Variants in CWC25 observed in about 807,000 individuals in gnomAD.
CWC25 encodes pre-mRNA-splicing factor CWC25 homolog.
CWC25 carries 31 observed loss-of-function variants against 54.6 expected under a neutral mutation model. The ratio of observed to expected loss-of-function variants is 0.57; its 90% CI spans 0.43 to 0.77. CWC25 has a LOEUF of 0.77. CWC25 is among the 30% of genes least tolerant of loss of function. The pLI is 0.00. For synonymous variants in CWC25, 151 were observed against 187.0 expected (o/e 0.81, Z 1.57); for missense variants, 453 against 529.3 (o/e 0.86, Z 1.41).
rs1332728141 is a variant in CWC25, at chr17:38,807,460, G to GA, written c.691-485dup. 1.4e-5 allele frequency among the ~76,000 whole-genome samples: 2 copies of GA among 140,630 alleles called. 1 individual carries two copies. Among genetic ancestry groups the GA allele is most frequent in the African/African-American group, 5.2e-5 (2 of 38,710 alleles). The allele number at this position is 140,630 out of a possible 152,430, so 92.3% of individuals were successfully genotyped here. A position where few individuals can be genotyped will look rare whatever the true frequency, so the allele number is the denominator to read the frequency against. ...TAGTTATCTGCAGAATCCCCTAAAA[G>GA]AATCTCCTTCGGTCAGCCAGGTGCA... is the stretch of plus-strand genomic sequence containing the variant. On this transcript the variant is annotated intron_variant, in intron 6 of 9. Coordinates refer to ENST00000614790, the MANE Select transcript of CWC25 (RefSeq NM_017748.5).
At position 38,814,927 on chromosome 17, in the gene CWC25, G is replaced by A; in HGVS notation, c.362C>T (p.Pro121Leu). 6.2e-7 allele frequency: 1 copy of A among 1,613,662 alleles called. No individual in the cohort carries two copies. Among genetic ancestry groups the A allele is most frequent in the South Asian group, 1.1e-5 (1 of 91,070 alleles). Residue 121 changes from proline (P) to leucine (L), a missense_variant, in exon 3 of 10, where the codon CCA becomes CTA. Transcript: ENST00000614790. Reference protein sequence around the residue: ...TGLLPGSIFAPSGANSLLDMA... With the variant: ...TGLLPGSIFALSGANSLLDMA... The stretch of plus-strand genomic sequence containing the variant: ...GTCAAGAAGGGAATTGGCACCTGAT[G>A]GGGCAAAGATAGAGCCTGGGAGAAG...
intron 3 of CWC25, 61 bp from the exon 4 acceptor site, chr17:38,812,925 C>T (rs1911549634): frequency 8.5e-6 from 8 of 936,146 alleles, no homozygotes; most frequent in Non-Finnish European, 1.3e-5. Context: ...TATGGAGTAA[C>T]CTTTTCTCCA....
chr17:38,810,693 G>A (rs1911449433), intron 4 of CWC25, 98 bp from the exon 5 acceptor site: 1 of 712,754 alleles, frequency 1.4e-6, no homozygotes, highest in Non-Finnish European at 2.5e-6. Context: ...GCTGAGTGGA[G>A]CAGATCATCA....
At position 38,806,156 on chromosome 17, in the gene CWC25, C is replaced by G. The variant is rs758711278; in HGVS notation, c.1001+141G>C. On this transcript the variant is annotated intron_variant, in intron 8 of 9. Coordinates refer to ENST00000614790, the MANE Select transcript of CWC25 (RefSeq NM_017748.5). ...TCCTCACATGGCTGGAGGCAGGGGA[C>G]GCAGACCCTTACAGGTTGGCAAGAT... 1.4e-5 allele frequency: 10 copies of G among 727,916 alleles called. No homozygotes were observed. The South Asian group carries it at 1.6e-4, about 11-fold the overall frequency. 45.1% of individuals were successfully genotyped at this position (727,916 alleles called of 1,614,324 possible).
At chr17:38,815,617 T>A (rs1214703616) in intron 2 of CWC25, 8 of 1,151,012 alleles carry the variant, frequency 7.0e-6, no homozygotes, top group African/African-American at 6.3e-5. Context: ...GAGAGAATAT[T>A]CACTCACATA....
intron 3 of CWC25, among the ~76,000 whole-genome samples, chr17:38,813,836 ACC>A (rs1309653082): frequency 1.3e-5 from 2 of 151,410 alleles, no homozygotes; most frequent in Non-Finnish European, 2.9e-5. Flanking sequence ...GATCCACCGT[ACC>A]CGGCTGTCAG....
intron 9 of CWC25, 51 bp downstream of exon 9, chr17:38,802,649 C>G: frequency 1.3e-6 from 2 of 1,599,564 alleles, no homozygotes; most frequent in South Asian, 2.2e-5. Context: ...GCCAGCCTGC[C>G]TCTTAAGACC....
intron 2 of CWC25, among the ~76,000 whole-genome samples, chr17:38,817,306 C>G (rs1055378942): frequency 6.7e-6 from 1 of 150,034 alleles, no homozygotes; most frequent in Non-Finnish European, 1.5e-5. Context: ...TGCCATTGTA[C>G]TCCAACGCAG....
chr17:38,807,202 A>C (rs944382199), intron 6 of CWC25, among the ~76,000 whole-genome samples: 5 of 150,808 alleles, frequency 3.3e-5, no homozygotes, highest in African/African-American at 1.2e-4. Flanking sequence ...GGGCACCTGT[A>C]ATCCCAGCTA....
rs570850882 is a variant in CWC25 at position 38,802,695 on chromosome 17, C to T, written c.1163+5G>A. ...AAGACCCTGGCAGGAAGAAGATGCA[C>T]TCACTGGATGAACTTCCCATCCCGG... On this transcript the variant is annotated splice_donor_5th_base_variant and intron_variant, in intron 9 of 9. Coordinates refer to ENST00000614790, the MANE Select transcript of CWC25 (RefSeq NM_017748.5). 3.1e-6 allele frequency: 5 copies of T among 1,613,896 alleles called. No individual in the cohort carries two copies. The African/African-American group carries it at 4.0e-5, about 13-fold the overall frequency.
At chr17:38,816,311 C>T (rs185401200) in intron 2 of CWC25, among the ~76,000 whole-genome samples, 3 of 152,274 alleles carry the variant, frequency 2.0e-5, no homozygotes, top group East Asian at 1.9e-4. Context: ...TGCAATGGTG[C>T]GATCATGGCT....
At chr17:38,824,788 C>G (rs930472492) in intron 1 of CWC25, among the ~76,000 whole-genome samples, 1 of 152,106 alleles carries the variant, frequency 6.6e-6, no homozygotes, top group African/African-American at 2.4e-5. Context: ...GAACTCTCAC[C>G]CAAGGAAGAG....
chr17:38,811,973 T>A (rs1179965563), intron 4 of CWC25, among the ~76,000 whole-genome samples: 2 of 151,836 alleles, frequency 1.3e-5, no homozygotes, highest in South Asian at 4.1e-4. Context: ...AGTTTCGCTC[T>A]TGTTGCCCAG....
chr17:38,816,971 C>T (rs1481991552), intron 2 of CWC25, among the ~76,000 whole-genome samples: 1 of 148,852 alleles, frequency 6.7e-6, no homozygotes, highest in African/African-American at 2.5e-5. Context: ...CGTGAGCAAC[C>T]GTGCCTGGCC....
In CWC25 at chr17:38,820,959, G is replaced by A. The variant is rs758451042; in HGVS notation, c.133C>T (p.Arg45Ter). The change falls in exon 2 of 10, where the codon CGA becomes TGA. Residue 45 changes from arginine to a stop codon, truncating the protein, a stop_gained. Coordinates refer to ENST00000614790, the MANE Select transcript of CWC25 (RefSeq NM_017748.5). LOFTEE classifies it high-confidence loss of function. ...ATCTCTTCCCGGGCTCTCTCTTCTC[G>A]CAGCTCCCGCTGAAGCTCCTCAATC... ...KKIEELQREL[R>*]EERAREEMQR... The A allele has an allele frequency of 6.2e-7, 1 of 1,613,900 alleles. No homozygotes were observed. Among genetic ancestry groups the A allele is most frequent in the Non-Finnish European group, 8.5e-7 (1 of 1,179,870 alleles).
In CWC25 at chr17:38,806,398, G is replaced by A; in HGVS notation, c.903-3C>T. ...TCCTGTTCACCTTAGAGTTGTGCCT[G>A]TAGCAGACACAGAAGGCAAAGAGGA... On this transcript the variant is annotated splice_polypyrimidine_tract_variant and splice_region_variant and intron_variant, in intron 7 of 9. Coordinates refer to ENST00000614790, the MANE Select transcript of CWC25 (RefSeq NM_017748.5). 1 of 1,612,860 alleles carries A rather than the reference G, an allele frequency of 6.2e-7. No homozygotes were observed. Among genetic ancestry groups the A allele is most frequent in the Non-Finnish European group, 8.5e-7 (1 of 1,179,356 alleles).
chr17:38,806,981 A>G lies in CWC25; in HGVS notation c.691-5T>C, dbSNP rs3785451. The G allele has an allele frequency of 0.038, 60,607 of 1,601,602 alleles. 7,601 individuals are homozygous for G. In the African/African-American group the frequency reaches 0.43, roughly 11 times the overall value. On this transcript the variant is annotated splice_polypyrimidine_tract_variant and splice_region_variant and intron_variant, in intron 6 of 9. Transcript: ENST00000614790. ...GTTACGGTCAGAGTTCCGGACCTACATCATTAAGGAAAAGAGAAGTTATTC... is the reference window on the plus strand; with the variant it reads ...GTTACGGTCAGAGTTCCGGACCTACGTCATTAAGGAAAAGAGAAGTTATTC...
chr17:38,825,083 A>C, intron 1 of CWC25, 83 bp downstream of exon 1: 6 of 1,256,044 alleles, frequency 4.8e-6, no homozygotes, highest in Non-Finnish European at 6.5e-6. Context: ...TGCCATGGTT[A>C]TCCACTCCTT....
intron 6 of CWC25, among the ~76,000 whole-genome samples, chr17:38,807,614 G>A (rs567327760): frequency 5.0e-5 from 7 of 139,048 alleles, no homozygotes; most frequent in Admixed American, 3.9e-4. Context: ...AAATTAGCTC[G>A]GTGTGGCAGC....
Sources: allele counts gnomAD v4.1 joint callset (sites outside exome capture counted in the v4.1 genomes callset), GRCh38; gene constraint gnomAD v4.1.1; transcripts MANE v1.5; gene names NCBI Gene and HGNC (gene_info 2026-07-23, HGNC 2026-07-21).